Variants in SFMBT2 observed in about 807,000 individuals in gnomAD.
SFMBT2 encodes scm-like with four MBT domains protein 2.
Under a neutral mutation model 110.1 loss-of-function variants are expected in SFMBT2, and 38 were observed. That is an observed-to-expected ratio of 0.35 (90% CI 0.27 to 0.45). The LOEUF is 0.45. Ranked by LOEUF, SFMBT2 falls within the 20% of genes least tolerant of loss-of-function variation. The pLI is 1.00. For missense variants in SFMBT2, 1,011 were observed against 1,094.9 expected (o/e 0.92, Z 1.08); for synonymous variants, 425 against 425.4 (o/e 1.00, Z 0.01).
chr10:7,173,430 C>T (rs1016021683), intron 17 of SFMBT2, among the ~76,000 whole-genome samples: 2 of 152,200 alleles, frequency 1.3e-5, no homozygotes, highest in Non-Finnish European at 2.9e-5. Flanking sequence ...CCAAGATAAG[C>T]TATGATCCTG....
intron 4 of SFMBT2, chr10:7,329,683 C>T (rs1324387648): frequency 5.3e-6 from 1 of 189,816 alleles, no homozygotes; most frequent in Non-Finnish European, 9.8e-6. Flanking sequence ...CTGGGAAGGC[C>T]GGGACTGCTG....
At chr10:7,332,374 C>T (rs905226567) in intron 4 of SFMBT2, among the ~76,000 whole-genome samples, 1 of 152,172 alleles carries the variant, frequency 6.6e-6, no homozygotes, top group Non-Finnish European at 1.5e-5. Context: ...ACATAAAAGA[C>T]ATGCAAAAGG....
intron 10 of SFMBT2, among the ~76,000 whole-genome samples, chr10:7,225,098 AG>A (rs1439694138): frequency 6.6e-6 from 1 of 152,182 alleles, no homozygotes; most frequent in Non-Finnish European, 1.5e-5. Context: ...TTATGTATTG[AG>A]CTTCCTTCTG....
At chr10:7,295,600 C>T (rs1236677558) in intron 4 of SFMBT2, among the ~76,000 whole-genome samples, 1 of 152,254 alleles carries the variant, frequency 6.6e-6, no homozygotes, top group Admixed American at 6.5e-5. Flanking sequence ...ACACCACAAG[C>T]ATTCACAAAT....
chr10:7,338,753 A>G (rs1025041019), intron 4 of SFMBT2, among the ~76,000 whole-genome samples: 1 of 152,156 alleles, frequency 6.6e-6, no homozygotes, highest in Non-Finnish European at 1.5e-5. Context: ...TGTTTTCAAG[A>G]TGCTCACATC....
chr10:7,254,942 C>G (rs1247747214), intron 7 of SFMBT2, among the ~76,000 whole-genome samples: 1 of 152,136 alleles, frequency 6.6e-6, no homozygotes, highest in Non-Finnish European at 1.5e-5. Flanking sequence ...ACTTGACACT[C>G]CTAAGGAATA....
intron 4 of SFMBT2, among the ~76,000 whole-genome samples, chr10:7,350,668 T>C (rs1407404121): frequency 2.0e-5 from 3 of 152,248 alleles, no homozygotes; most frequent in Non-Finnish European, 4.4e-5. Flanking sequence ...TGTTTTATAC[T>C]TTAAGTCTGC....
chr10:7,371,110 G>C (rs1189182719), intron 2 of SFMBT2, among the ~76,000 whole-genome samples: 5 of 152,090 alleles, frequency 3.3e-5, no homozygotes, highest in African/African-American at 4.8e-5. Context: ...TATTTGTAGG[G>C]GGGTATTTTG....
At position 7,293,389 on chromosome 10, in the gene SFMBT2, G is replaced by A. The variant is rs1242502027; in HGVS notation, c.437-7435C>T. On this transcript the variant is annotated intron_variant, in intron 4 of 20. Transcript: ENST00000397167. This position sits in a 1 kb window ranked among gnomAD's most constrained non-coding sequence, Gnocchi z 4.6. ...GCTGGGATTACAAGTGTGAGCCACT[G>A]TGCCTGGTCAAAGTATTTTTTTTTA... Among the ~76,000 whole-genome samples the A allele has an allele frequency of 2.0e-5, 3 of 151,906 alleles. No individual in the cohort carries two copies. The highest frequency in any genetic ancestry group is 7.3e-5 in the African/African-American group (3 of 41,186).
At chr10:7,252,009 T>C (rs1840827948) in intron 7 of SFMBT2, among the ~76,000 whole-genome samples, 1 of 152,230 alleles carries the variant, frequency 6.6e-6, no homozygotes, top group Non-Finnish European at 1.5e-5. Flanking sequence ...TGCTTCTCTC[T>C]GTTCCACAAA....
chr10:7,271,023 G>A (rs1019390121), intron 7 of SFMBT2, among the ~76,000 whole-genome samples: 3 of 152,066 alleles, frequency 2.0e-5, no homozygotes, highest in Non-Finnish European at 2.9e-5. Context: ...GGTGGCTCAC[G>A]CCTATAAATC....
intron 8 of SFMBT2, chr10:7,246,264 G>T: frequency 3.2e-6 from 2 of 631,358 alleles, no homozygotes; most frequent in Non-Finnish European, 3.9e-6. Flanking sequence ...CCCTCAATAA[G>T]ATCTATTTAG....
chr10:7,243,767 A>G lies in SFMBT2; in HGVS notation c.973-62T>C, dbSNP rs920239714. ...CTTTAGAGTTACATATAATGCTAGT[A>G]TAAAATAGTGGCAGAGCTTCCAAAG... On this transcript the variant is annotated intron_variant, in intron 8 of 20. Transcript: ENST00000397167. 52 of 781,058 alleles carry G rather than the reference A, an allele frequency of 6.7e-5. No individual in the cohort carries two copies. The Admixed American group carries it at 1.1e-3, about 16-fold the overall frequency. 48.4% of individuals were successfully genotyped at this position (781,058 alleles called of 1,614,324 possible).
intron 7 of SFMBT2, among the ~76,000 whole-genome samples, chr10:7,254,821 C>T (rs1390225248): frequency 6.6e-6 from 1 of 151,750 alleles, no homozygotes; most frequent in Non-Finnish European, 1.5e-5. Flanking sequence ...AGCAAGACTC[C>T]GTCTAAAAAA....
In SFMBT2 at chr10:7,410,188, A is replaced by T. The variant is rs903506689; in HGVS notation, c.-52+673T>A. On this transcript the variant is annotated intron_variant, in intron 1 of 20. Transcript: ENST00000397167. ...CAGGATATTACTTTAAAGAGAAAAT[A>T]ATGAACAAAAAGACCATCCTCGCTG... 6.6e-5 allele frequency among the ~76,000 whole-genome samples: 10 copies of T among 152,364 alleles called. 1 individual carries two copies. In the South Asian group the frequency reaches 8.3e-4, roughly 13 times the overall value.
At chr10:7,204,434 T>C (rs1055081656) in intron 12 of SFMBT2, 6 of 985,328 alleles carry the variant, frequency 6.1e-6, no homozygotes, top group Non-Finnish European at 7.2e-6. Context: ...GGAATCTCTT[T>C]AACAGTTAAA....
chr10:7,218,008 T>C (rs7069046), intron 11 of SFMBT2, among the ~76,000 whole-genome samples: 2,457 of 152,322 alleles, frequency 0.016, 69 homozygotes, highest in African/African-American at 0.055. Context: ...ACGTAAAGAA[T>C]GAATCAACTT....
intron 4 of SFMBT2, among the ~76,000 whole-genome samples, chr10:7,310,781 C>T (rs992429677): frequency 2.0e-5 from 3 of 152,128 alleles, no homozygotes; most frequent in Non-Finnish European, 4.4e-5. Flanking sequence ...CGCGGTGGCT[C>T]ATGCTTGTAA....
intron 4 of SFMBT2, among the ~76,000 whole-genome samples, chr10:7,356,024 C>T (rs1459441733): frequency 2.0e-5 from 3 of 152,344 alleles, no homozygotes; most frequent in Non-Finnish European, 4.4e-5. Flanking sequence ...CCACAACTCA[C>T]AAAATCACAG....
Sources: gnomAD v4.1 joint callset for allele counts (sites outside exome capture counted in the v4.1 genomes callset) on GRCh38, gnomAD v4.1.1 for gene constraint, Gnocchi (gnomAD v3.1) non-coding constraint, MANE v1.5 for transcripts, NCBI Gene and HGNC (gene_info 2026-07-23, HGNC 2026-07-21) for gene names.